Variants in ATP8A1 observed in about 807,000 individuals in gnomAD.
The protein encoded by ATP8A1 is ATPase phospholipid transporting 8A1.
ATP8A1 carries 90 observed loss-of-function variants against 177.7 expected under a neutral mutation model. That is an observed-to-expected ratio of 0.51 (90% confidence interval 0.43 to 0.60). The LOEUF (loss-of-function observed/expected upper bound fraction) is 0.60, where lower values mean the gene tolerates loss of function less well. Among genes scored for constraint, ATP8A1 ranks in the 20% least tolerant of loss-of-function variants. The pLI is 0.00. For missense variants in ATP8A1, 1,072 were observed against 1,392.8 expected (o/e 0.77, Z 3.67); for synonymous variants, 493 against 485.9 (o/e 1.01, Z -0.19).
At chr4:42,623,981 G>A (rs900554235) in intron 4 of ATP8A1, among the ~76,000 whole-genome samples, 2 of 151,918 alleles carry the variant, frequency 1.3e-5, no homozygotes, top group Admixed American at 6.6e-5. Flanking sequence ...CAGAAAAAAG[G>A]CCTGAATTTA....
intron 9 of ATP8A1, among the ~76,000 whole-genome samples, chr4:42,586,037 G>C (rs1733578647): frequency 6.6e-6 from 1 of 152,144 alleles, no homozygotes; most frequent in Non-Finnish European, 1.5e-5. Flanking sequence ...CCAAAGAATA[G>C]AATAAGCCAC....
chr4:42,627,557 G>A (rs1451817027), intron 1 of ATP8A1, among the ~76,000 whole-genome samples: 1 of 152,120 alleles, frequency 6.6e-6, no homozygotes, highest in Non-Finnish European at 1.5e-5. Context: ...TAAATAGTAA[G>A]GTTTAAATAG....
intron 27 of ATP8A1, among the ~76,000 whole-genome samples, chr4:42,456,689 G>T (rs1232693657): frequency 6.6e-6 from 1 of 152,070 alleles, no homozygotes; most frequent in Non-Finnish European, 1.5e-5. Flanking sequence ...GAGTACAAAG[G>T]CTGGTCCAGC....
At chr4:42,493,153 G>A (rs1277744291) in intron 24 of ATP8A1, among the ~76,000 whole-genome samples, 2 of 152,154 alleles carry the variant, frequency 1.3e-5, no homozygotes, top group Non-Finnish European at 2.9e-5. Context: ...TGGCCCGTGA[G>A]GGTGCATACA....
chr4:42,604,259 G>A (rs541634096), intron 5 of ATP8A1, among the ~76,000 whole-genome samples: 2 of 152,082 alleles, frequency 1.3e-5, no homozygotes, highest in Admixed American at 6.6e-5. Context: ...AATGAGCTCC[G>A]TGCACTTTTC....
intron 1 of ATP8A1, among the ~76,000 whole-genome samples, chr4:42,643,333 A>G (rs1740196255): frequency 6.6e-6 from 1 of 152,230 alleles, no homozygotes; most frequent in African/African-American, 2.4e-5. Context: ...AGAGAATAAA[A>G]TAAATGTCTA....
intron 10 of ATP8A1, among the ~76,000 whole-genome samples, chr4:42,580,219 C>T (rs189814211): frequency 8.1e-4 from 123 of 152,144 alleles, no homozygotes; most frequent in Non-Finnish European, 9.9e-4. Context: ...AAGAAGAGAA[C>T]GAAATTACAT....
At chr4:42,428,168 A>T (rs765814075) in intron 33 of ATP8A1, among the ~76,000 whole-genome samples, 6 of 152,122 alleles carry the variant, frequency 3.9e-5, no homozygotes, top group Non-Finnish European at 8.8e-5. Context: ...GCATACAAAC[A>T]CCCTCCCTGG....
intron 6 of ATP8A1, among the ~76,000 whole-genome samples, chr4:42,594,871 ACTGT>A (rs1279790144): frequency 5.3e-5 from 8 of 152,240 alleles, no homozygotes; most frequent in African/African-American, 1.9e-4. Context: ...TCCACATTTG[ACTGT>A]CTGCAAATCC....
intron 24 of ATP8A1, among the ~76,000 whole-genome samples, chr4:42,501,858 C>G (rs560474778): frequency 1.4e-4 from 22 of 152,312 alleles, no homozygotes; most frequent in African/African-American, 5.1e-4. Flanking sequence ...GGGAGAAAAG[C>G]CTTCCCCAGA....
chr4:42,483,357 AG>A (rs1721879130), intron 25 of ATP8A1, among the ~76,000 whole-genome samples: 1 of 140,986 alleles, frequency 7.1e-6, no homozygotes, highest in African/African-American at 2.6e-5. Context: ...AAAAAAGCTG[AG>A]GAAAGATATG....
Position 42,447,125 on chromosome 4 carries a change from T to G in ATP8A1, c.2897-481A>C, listed in dbSNP as rs73235569. Among the ~76,000 whole-genome samples, 752 of 152,296 alleles carry G rather than the reference T, an allele frequency of 4.9e-3. 2 individuals are homozygous for G. The highest frequency in any genetic ancestry group is 7.4e-3 in the Admixed American group (114 of 15,304). ...GGTTCTTTGAGGATCTGGCTGAGTA[T>G]AGGGGCATATTTTAAAGTATTTTGT... On this transcript the variant is annotated intron_variant, in intron 30 of 36. Transcript: ENST00000381668.
intron 9 of ATP8A1, among the ~76,000 whole-genome samples, chr4:42,582,854 C>G (rs543496801): frequency 2.0e-5 from 3 of 152,058 alleles, no homozygotes; most frequent in Admixed American, 1.3e-4. Context: ...ACAACTCACA[C>G]AGGGACATAA....
At chr4:42,448,989 C>T (rs1271221458) in intron 30 of ATP8A1, among the ~76,000 whole-genome samples, 4 of 151,936 alleles carry the variant, frequency 2.6e-5, no homozygotes, top group Admixed American at 1.3e-4. Flanking sequence ...GCATGCGCCT[C>T]CACACCTGGC....
intron 6 of ATP8A1, 150 bp from the exon 7 acceptor site, chr4:42,591,034 T>G (rs376616442): frequency 4.7e-5 from 32 of 677,510 alleles, no homozygotes; most frequent in Non-Finnish European, 7.7e-5. Flanking sequence ...CCAATTTTTT[T>G]CAAAACTTAT....
chr4:42,490,160 C>A (rs1722599940), intron 24 of ATP8A1, among the ~76,000 whole-genome samples: 1 of 152,162 alleles, frequency 6.6e-6, no homozygotes, highest in South Asian at 2.1e-4. Context: ...TCTGGACAAC[C>A]ATTCTGCTCT....
chr4:42,587,874 C>T (rs1183577870), intron 8 of ATP8A1, among the ~76,000 whole-genome samples: 1 of 152,058 alleles, frequency 6.6e-6, no homozygotes, highest in Non-Finnish European at 1.5e-5. Context: ...TCTCAAAGTG[C>T]TGGGATTACA....
rs1427021971 is a variant in ATP8A1 at position 42,624,875 on chromosome 4, G to C, written c.265-241C>G. ...CTCCATTGGAAGACTGGTTACATAAGTTACAGTATATCTATTCATTAAAAT... is the reference window on the plus strand; with the variant it reads ...CTCCATTGGAAGACTGGTTACATAACTTACAGTATATCTATTCATTAAAAT... On this transcript the variant is annotated intron_variant, in intron 3 of 36. Coordinates refer to ENST00000381668, the MANE Select transcript of ATP8A1 (RefSeq NM_006095.2). Among the ~76,000 whole-genome samples, 17 of 151,966 alleles carry C rather than the reference G, an allele frequency of 1.1e-4. 1 individual carries two copies. The highest frequency in any genetic ancestry group is 1.1e-3 in the Admixed American group (17 of 15,260).
chr4:42,625,046 G>GA (rs61670057), intron 3 of ATP8A1: 23,983 of 127,148 alleles, frequency 0.19, 2,228 homozygotes, highest in East Asian at 0.24. Context: ...TGCTTGGGAG[G>GA]AAAAAAAAAA....
Sources: gnomAD v4.1 joint callset for allele counts (sites outside exome capture counted in the v4.1 genomes callset) on GRCh38, gnomAD v4.1.1 for gene constraint, MANE v1.5 for transcripts, NCBI Gene and HGNC (gene_info 2026-07-23, HGNC 2026-07-21) for gene names.